ATP8B4: variants seen among roughly 807,000 people sequenced by gnomAD.
ATP8B4 encodes probable phospholipid-transporting ATPase IM.
ATP8B4 carries 133 observed loss-of-function variants against 145.6 expected under a neutral mutation model. The ratio of observed to expected loss-of-function variants is 0.91; its 90% CI spans 0.79 to 1.05. The LOEUF (loss-of-function observed/expected upper bound fraction) is 1.05. ATP8B4 is among the 50% of genes least tolerant of loss of function. The probability of loss-of-function intolerance (pLI) is 0.00; values close to 1 mark genes in which losing one functional copy is unlikely to be tolerated. For synonymous variants in ATP8B4, 507 were observed against 492.9 expected, an observed-to-expected ratio of 1.03 and a Z score of -0.38; for missense variants, 1,458 against 1,425.2, an observed-to-expected ratio of 1.02 and a Z score of -0.37.
At chr15:49,873,932 T>G (rs2153390723) in intron 25 of ATP8B4, among the ~76,000 whole-genome samples, 1 of 152,324 alleles carries the variant, frequency 6.6e-6, no homozygotes, top group South Asian at 2.1e-4. Flanking sequence ...ATTTGAAAAC[T>G]GTCAACACAA....
At chr15:49,866,630 T>A in intron 25 of ATP8B4, 146 bp from the exon 26 acceptor site, 1 of 859,624 alleles carries the variant, frequency 1.2e-6, no homozygotes, top group Non-Finnish European at 1.8e-6. Context: ...CCCCACTTTC[T>A]GAACACACAC....
At chr15:50,044,536 T>A in intron 5 of ATP8B4, 58 bp downstream of exon 5, 2 of 1,221,254 alleles carry the variant, frequency 1.6e-6, no homozygotes, top group Non-Finnish European at 2.3e-6. Flanking sequence ...CATTATCTAT[T>A]TCTGAGAAGC....
intron 1 of ATP8B4, among the ~76,000 whole-genome samples, chr15:50,155,439 T>C (rs535722908): frequency 4.6e-5 from 7 of 152,262 alleles, no homozygotes; most frequent in African/African-American, 7.2e-5. Context: ...GATAAAACTG[T>C]CTGACCAATA....
At chr15:50,069,202 T>C (rs569289439) in intron 3 of ATP8B4, among the ~76,000 whole-genome samples, 51 of 152,220 alleles carry the variant, frequency 3.4e-4, no homozygotes, top group African/African-American at 2.2e-4. Flanking sequence ...TAAATCCCTC[T>C]TGTAATTTGA....
intron 13 of ATP8B4, among the ~76,000 whole-genome samples, chr15:49,968,548 G>A (rs1038746770): frequency 1.3e-5 from 2 of 152,158 alleles, no homozygotes; most frequent in Admixed American, 6.5e-5. Context: ...TAATGGTAAA[G>A]GGATCAATGC....
chr15:49,964,221 T>C (rs1417970497), intron 13 of ATP8B4, among the ~76,000 whole-genome samples: 1 of 152,110 alleles, frequency 6.6e-6, no homozygotes, highest in African/African-American at 2.4e-5. Flanking sequence ...GTCCCTGAGC[T>C]AGTGAGTGAA....
In ATP8B4 at chr15:50,156,015, TA is replaced by T. The variant is rs199580857; in HGVS notation, c.-43+26245del. 1.9e-3 allele frequency among the ~76,000 whole-genome samples: 248 copies of T among 133,128 alleles called. 2 individuals are homozygous for T. Among genetic ancestry groups the T allele is most frequent in the African/African-American group, 6.3e-3 (232 of 37,106 alleles). 87.3% of individuals were successfully genotyped at this position (133,128 alleles called of 152,430 possible). A position where few individuals can be genotyped will look rare whatever the true frequency, so the allele number is the denominator to read the frequency against. On this transcript the variant is annotated intron_variant, in intron 1 of 3. Coordinates refer to the ATP8B4 transcript ENST00000558829. The stretch of plus-strand genomic sequence containing the variant: ...TTTAGCTAGGACTGGCTGACTGGTA[TA>T]AAAAAAAAACAAAATCTCCTAATAG...
rs118031395 is a variant in ATP8B4 at position 49,994,252 on chromosome 15, C to T, written c.589+2425G>A. 5.4e-3 allele frequency among the ~76,000 whole-genome samples: 816 copies of T among 152,234 alleles called. 9 individuals carry two copies. The highest frequency in any genetic ancestry group is 0.034 in the South Asian group (164 of 4,832). ...ACCTGCCTTCCAGGAGGAGAGGATCCAGCACTCCTTCCTGGTCCTACAAGG... is the reference window on the plus strand; with the variant it reads ...ACCTGCCTTCCAGGAGGAGAGGATCTAGCACTCCTTCCTGGTCCTACAAGG... On this transcript the variant is annotated intron_variant, in intron 9 of 27. Transcript: ENST00000284509.
intron 1 of ATP8B4, among the ~76,000 whole-genome samples, chr15:50,144,431 A>T (rs1282652507): frequency 6.6e-6 from 1 of 152,234 alleles, no homozygotes. Context: ...GGGAGGCCTC[A>T]GGAAACTTAC....
chr15:50,027,486 T>C (rs2050101108), intron 6 of ATP8B4, among the ~76,000 whole-genome samples: 1 of 152,140 alleles, frequency 6.6e-6, no homozygotes, highest in South Asian at 2.1e-4. Flanking sequence ...CCCTAGTACA[T>C]GCTGATTGAC....
At chr15:49,980,859 A>G (rs1016893102) in intron 11 of ATP8B4, among the ~76,000 whole-genome samples, 2 of 152,234 alleles carry the variant, frequency 1.3e-5, no homozygotes, top group African/African-American at 2.4e-5. Flanking sequence ...CCTGCCCACC[A>G]TAAGCTATGT....
chr15:50,064,512 C>A lies in ATP8B4; in HGVS notation c.87+9615G>T, dbSNP rs184444378. On this transcript the variant is annotated intron_variant, in intron 3 of 27. Coordinates refer to ENST00000284509, the MANE Select transcript of ATP8B4 (RefSeq NM_024837.4). The stretch of plus-strand genomic sequence containing the variant: ...TTCCTCACAACTACAACACTACCTC[C>A]GTGCACACAGTCATGCAATAGACAC... Among the ~76,000 whole-genome samples the A allele has an allele frequency of 2.0e-5, 3 of 152,248 alleles. No homozygotes were observed. The East Asian group carries it at 5.8e-4, about 29-fold the overall frequency.
chr15:50,040,279 C>G (rs2051172181), intron 5 of ATP8B4, among the ~76,000 whole-genome samples: 1 of 152,232 alleles, frequency 6.6e-6, no homozygotes, highest in Non-Finnish European at 1.5e-5. Flanking sequence ...GCTGCTTCCA[C>G]AGATAGCCAC....
rs537011251 is a variant in ATP8B4, at chr15:49,908,205, ATC to A, written c.2142-6968_2142-6967del. ...TAGCAACAGGCTTATTAAAATCTAGATCTGTTTGCATCTATCTTCCTTCAGCA... is the reference window on the plus strand; with the variant it reads ...TAGCAACAGGCTTATTAAAATCTAGATGTTTGCATCTATCTTCCTTCAGCA... On this transcript the variant is annotated intron_variant, in intron 20 of 27. Transcript: ENST00000284509. 462 of 417,612 alleles carry A rather than the reference ATC, an allele frequency of 1.1e-3. 7 individuals carry two copies. Among genetic ancestry groups the A allele is most frequent in the South Asian group, 4.9e-3 (279 of 57,272 alleles). 25.9% of individuals were successfully genotyped at this position (417,612 alleles called of 1,614,324 possible).
chr15:50,133,348 G>A (rs2044074393), intron 1 of ATP8B4, among the ~76,000 whole-genome samples: 1 of 152,220 alleles, frequency 6.6e-6, no homozygotes, highest in South Asian at 2.1e-4. Context: ...GGAAGCAAAG[G>A]CAGGAGGATT....
At chr15:50,116,894 A>T (rs1276527385) in intron 1 of ATP8B4, among the ~76,000 whole-genome samples, 1 of 152,096 alleles carries the variant, frequency 6.6e-6, no homozygotes, top group Non-Finnish European at 1.5e-5. Context: ...TTTAATTAGA[A>T]TTTATTAATA....
intron 2 of ATP8B4, among the ~76,000 whole-genome samples, chr15:50,080,880 G>A (rs919744307): frequency 1.8e-4 from 28 of 152,194 alleles, no homozygotes; most frequent in African/African-American, 6.3e-4. Context: ...TTGGGAGGCC[G>A]AGGCAGGCGG....
intron 1 of ATP8B4, among the ~76,000 whole-genome samples, chr15:50,143,838 C>A (rs779957094): frequency 1.8e-4 from 27 of 152,160 alleles, no homozygotes; most frequent in Admixed American, 1.4e-3. Flanking sequence ...GTGAACTAAT[C>A]ATGAGTGAGG....
At chr15:50,023,941 G>A (rs1410038173) in intron 6 of ATP8B4, among the ~76,000 whole-genome samples, 1 of 151,966 alleles carries the variant, frequency 6.6e-6, no homozygotes, top group Non-Finnish European at 1.5e-5. Flanking sequence ...GTTATCTGAT[G>A]GGGTGCAAAT....
Sources: gnomAD v4.1 joint callset for allele counts (sites outside exome capture counted in the v4.1 genomes callset) on GRCh38, gnomAD v4.1.1 for gene constraint, MANE v1.5 for transcripts, NCBI Gene and HGNC (gene_info 2026-07-23, HGNC 2026-07-21) for gene names.